The following PTPRN2 variants were observed in gnomAD, a reference collection of about 807,000 sequenced individuals.
The protein encoded by PTPRN2 is receptor-type tyrosine-protein phosphatase N2.
PTPRN2 carries 74 observed loss-of-function variants against 118.8 expected under a neutral mutation model. The observed-to-expected ratio is 0.62, with a 90% CI of 0.52 to 0.76. The LOEUF is 0.76. Among genes scored for constraint, PTPRN2 ranks in the 30% least tolerant of loss-of-function variants. PTPRN2 has a pLI of 0.00. For missense variants in PTPRN2, 1,481 were observed against 1,394.4 expected (o/e 1.06, Z -0.99); for synonymous variants, 641 against 608.0 (o/e 1.05, Z -0.80).
chr7:158,077,365 A>G (rs1812443456), intron 11 of PTPRN2, among the ~76,000 whole-genome samples: 1 of 152,252 alleles, frequency 6.6e-6, no homozygotes, highest in South Asian at 2.1e-4. Context: ...GTACCTCTGA[A>G]TACAGAGGCG....
chr7:158,249,937 A>C (rs1307124371), intron 3 of PTPRN2, among the ~76,000 whole-genome samples: 1 of 152,142 alleles, frequency 6.6e-6, no homozygotes, highest in African/African-American at 2.4e-5. Context: ...TCTGAGTGTA[A>C]TGCAAGTGAG....
chr7:158,260,738 C>T (rs1240478031), intron 3 of PTPRN2, among the ~76,000 whole-genome samples: 4 of 152,202 alleles, frequency 2.6e-5, no homozygotes, highest in Non-Finnish European at 4.4e-5. Flanking sequence ...CTCAGGCTGG[C>T]ATTTCCAGAA....
At chr7:158,372,309 C>G (rs113433465) in intron 2 of PTPRN2, among the ~76,000 whole-genome samples, 1 of 144,292 alleles carries the variant, frequency 6.9e-6, no homozygotes, top group Non-Finnish European at 1.5e-5. Flanking sequence ...GTCCCCCCAA[C>G]GCTGGTCCCC....
chr7:158,151,463 C>T (rs1395342339), intron 6 of PTPRN2, among the ~76,000 whole-genome samples: 15 of 151,124 alleles, frequency 9.9e-5, no homozygotes, highest in African/African-American at 3.7e-4. Context: ...CCACACCACC[C>T]GCCTTTCTAT....
chr7:157,578,302 G>T (rs1325525846), intron 17 of PTPRN2, among the ~76,000 whole-genome samples, 162 bp from the exon 18 acceptor site: 1 of 152,188 alleles, frequency 6.6e-6, no homozygotes, highest in African/African-American at 2.4e-5. Flanking sequence ...GAGCATCTCT[G>T]AATGCACTGG....
chr7:158,186,794 TG>T (rs951991739), intron 5 of PTPRN2, among the ~76,000 whole-genome samples: 1 of 152,274 alleles, frequency 6.6e-6, no homozygotes, highest in Non-Finnish European at 1.5e-5. Context: ...TTATATTTTT[TG>T]CTTGCTTGTT....
intron 2 of PTPRN2, among the ~76,000 whole-genome samples, chr7:158,466,420 C>A (rs1819393215): frequency 6.6e-6 from 1 of 152,094 alleles, no homozygotes; most frequent in African/African-American, 2.4e-5. Context: ...GCAGTATCTG[C>A]CTTTCTGTGC....
At chr7:158,534,411 T>C (rs1164402883) in intron 1 of PTPRN2, among the ~76,000 whole-genome samples, 38 of 129,188 alleles carry the variant, frequency 2.9e-4, no homozygotes, top group East Asian at 4.9e-4. Flanking sequence ...TGACCACCCA[T>C]GCCCTGGGCT....
chr7:157,657,694 T>C (rs1408409842), intron 13 of PTPRN2, among the ~76,000 whole-genome samples: 1 of 54,148 alleles, frequency 1.8e-5, no homozygotes, highest in African/African-American at 7.6e-5. Context: ...ACATCACACA[T>C]ATACACACAC....
At chr7:157,678,741 C>T (rs1292926958) in intron 13 of PTPRN2, among the ~76,000 whole-genome samples, 1 of 152,116 alleles carries the variant, frequency 6.6e-6, no homozygotes, top group Non-Finnish European at 1.5e-5. Context: ...ACAAGGAAAC[C>T]TGCTGGGTAT....
At chr7:158,141,073 C>G (rs74559595) in intron 6 of PTPRN2, among the ~76,000 whole-genome samples, 1 of 152,112 alleles carries the variant, frequency 6.6e-6, no homozygotes, top group Non-Finnish European at 1.5e-5. Context: ...CCACCCTCCA[C>G]GCTAGAGGGG....
chr7:158,349,711 A>G (rs1470231691), intron 2 of PTPRN2, among the ~76,000 whole-genome samples: 29 of 80,198 alleles, frequency 3.6e-4, no homozygotes, highest in African/African-American at 1.3e-3. Context: ...AGTGCTGAGG[A>G]TGGCCCACGT....
chr7:158,418,465 G>C (rs1213945494), intron 2 of PTPRN2, among the ~76,000 whole-genome samples: 1 of 150,794 alleles, frequency 6.6e-6, no homozygotes, highest in African/African-American at 2.4e-5. Flanking sequence ...GCTGTGTTAA[G>C]TCATGGTGTA....
intron 4 of PTPRN2, among the ~76,000 whole-genome samples, chr7:158,193,101 C>T (rs1238306452): frequency 6.6e-6 from 1 of 152,352 alleles, no homozygotes; most frequent in Non-Finnish European, 1.5e-5. Context: ...ACCGCCATCG[C>T]GTGCACCATG....
chr7:158,014,421 AC>A (rs1282992507), intron 11 of PTPRN2, among the ~76,000 whole-genome samples: 1 of 151,262 alleles, frequency 6.6e-6, no homozygotes, highest in African/African-American at 2.4e-5. Context: ...CAAACAATCC[AC>A]CTGCTCATCT....
intron 11 of PTPRN2, among the ~76,000 whole-genome samples, chr7:158,020,228 T>C (rs1806770529): frequency 6.6e-6 from 1 of 151,822 alleles, no homozygotes; most frequent in South Asian, 2.1e-4. Context: ...CCTGTGCTTC[T>C]CAGCTACTGC....
In PTPRN2 at chr7:157,929,503, G is replaced by A. The variant is rs548316136; in HGVS notation, c.1724-30766C>T. On this transcript the variant is annotated intron_variant, in intron 11 of 22. Coordinates refer to ENST00000389418, the MANE Select transcript of PTPRN2 (RefSeq NM_002847.5). The surrounding 1 kb of genome is among the most constrained non-coding windows in gnomAD (Gnocchi z 4.4). The stretch of plus-strand genomic sequence containing the variant: ...ACGCCCACCCAGCACAGCCTCCGCC[G>A]CAGCCTGGCAGCCCAACAGAGGCTG... Among the ~76,000 whole-genome samples, 30 of 152,192 alleles carry A rather than the reference G, an allele frequency of 2.0e-4. No homozygotes were observed. Among genetic ancestry groups the A allele is most frequent in the Non-Finnish European group, 2.9e-4 (20 of 67,980 alleles).
chr7:158,394,259 C>T (rs1436296340), intron 2 of PTPRN2, among the ~76,000 whole-genome samples: 1 of 152,130 alleles, frequency 6.6e-6, no homozygotes, highest in Non-Finnish European at 1.5e-5. Context: ...ACTGGCCCCA[C>T]TCTGTCCCCC....
rs575391346 is a variant in PTPRN2 at position 157,565,390 on chromosome 7, T to C, written c.2902+3512A>G. Reference sequence around the variant, plus strand: ...TGTGGCTCCTGCCAGACAAAAGAAATGAGTCACCCCAGACTCACTCTGCAC... The same window carrying C: ...TGTGGCTCCTGCCAGACAAAAGAAACGAGTCACCCCAGACTCACTCTGCAC... On this transcript the variant is annotated intron_variant, in intron 21 of 22. Coordinates refer to ENST00000389418, the MANE Select transcript of PTPRN2 (RefSeq NM_002847.5). Among the ~76,000 whole-genome samples, 5 of 152,324 alleles carry C rather than the reference T, an allele frequency of 3.3e-5. No individual in the cohort carries two copies. The South Asian group carries it at 1.0e-3, about 32-fold the overall frequency.
Sources: gnomAD v4.1 joint callset for allele counts (sites outside exome capture counted in the v4.1 genomes callset) on GRCh38, gnomAD v4.1.1 for gene constraint, Gnocchi (gnomAD v3.1) non-coding constraint, MANE v1.5 for transcripts, NCBI Gene and HGNC (gene_info 2026-07-23, HGNC 2026-07-21) for gene names.